Variants in RMND1 observed in about 807,000 individuals in gnomAD.
RMND1 encodes required for meiotic nuclear division 1 homolog.
RMND1 carries 41 observed loss-of-function variants against 54.0 expected under a neutral mutation model. The observed-to-expected ratio is 0.76, with a 90% CI of 0.59 to 0.98. The LOEUF (loss-of-function observed/expected upper bound fraction) is 0.98, where lower values mean the gene tolerates loss of function less well. Among genes scored for constraint, RMND1 ranks in the 50% least tolerant of loss-of-function variants. RMND1 has a pLI of 0.00. For missense variants in RMND1, 457 were observed against 532.0 expected, an observed-to-expected ratio of 0.86 and a Z score of 1.39; for synonymous variants, 183 against 181.7, an observed-to-expected ratio of 1.01 and a Z score of -0.06.
chr6:151,412,714 C>T (rs900219512), intron 10 of RMND1, among the ~76,000 whole-genome samples: 2 of 152,084 alleles, frequency 1.3e-5, no homozygotes, highest in Non-Finnish European at 2.9e-5. Context: ...GGGGAAGCCT[C>T]CAGAAACTTA....
chr6:151,439,822 G>A (rs928421575), intron 2 of RMND1, among the ~76,000 whole-genome samples: 2 of 152,146 alleles, frequency 1.3e-5, no homozygotes, highest in Admixed American at 6.5e-5. Flanking sequence ...ACCACGCCCA[G>A]CTAATTTTTG....
Position 151,442,752 on chromosome 6 carries a change from C to T in RMND1, c.504+2556G>A, listed in dbSNP as rs1413978461. On this transcript the variant is annotated intron_variant, in intron 2 of 11. Transcript: ENST00000444024. ...ATGGGAGTCTTGCTATGTTGCCAGG[C>T]TGGTCTTCAACTCCTGGCCTCAAGT... 2.0e-5 allele frequency among the ~76,000 whole-genome samples: 3 copies of T among 147,330 alleles called. No homozygotes were observed. In the East Asian group the frequency reaches 6.1e-4, roughly 30 times the overall value.
At position 151,432,723 on chromosome 6, in the gene RMND1, G is replaced by C. The variant is rs181826092; in HGVS notation, c.689+432C>G. On this transcript the variant is annotated intron_variant, in intron 4 of 11. Coordinates refer to ENST00000444024, the MANE Select transcript of RMND1 (RefSeq NM_017909.4). ...GTGAGTCTCCTAGTCTAAAACCTCT[G>C]GAGAGGTAAGCTAAAACTTTAAAGA... 3.9e-3 allele frequency among the ~76,000 whole-genome samples: 597 copies of C among 152,154 alleles called. 1 individual carries two copies. Among genetic ancestry groups the C allele is most frequent in the Non-Finnish European group, 6.8e-3 (465 of 68,000 alleles).
intron 2 of RMND1, chr6:151,444,973 GTTTT>G (rs551276395): frequency 2.5e-4 from 49 of 198,070 alleles, no homozygotes; most frequent in Admixed American, 1.3e-3. Flanking sequence ...TTTCTAGTTT[GTTTT>G]TTTTTATTTT....
At chr6:151,417,964 A>C (rs1044549078) in intron 9 of RMND1, among the ~76,000 whole-genome samples, 3 of 151,940 alleles carry the variant, frequency 2.0e-5, no homozygotes, top group African/African-American at 7.2e-5. Context: ...GCCTACCATC[A>C]CACCTGGCTA....
intron 2 of RMND1, among the ~76,000 whole-genome samples, chr6:151,443,884 A>T (rs549567067): frequency 5.9e-5 from 9 of 152,396 alleles, no homozygotes; most frequent in Non-Finnish European, 1.2e-4. Context: ...TTCTCAAAAC[A>T]AAATGTTCAA....
intron 1 of RMND1, among the ~76,000 whole-genome samples, chr6:151,450,147 C>G (rs556712113): frequency 4.2e-4 from 51 of 121,762 alleles, no homozygotes; most frequent in African/African-American, 1.6e-3. Flanking sequence ...CGGCCGCCAT[C>G]CCATCTAGGA....
At chr6:151,427,085 A>AT (rs1562791710) in intron 6 of RMND1, among the ~76,000 whole-genome samples, 1 of 150,638 alleles carries the variant, frequency 6.6e-6, no homozygotes, top group African/African-American at 2.4e-5. Context: ...TTTTCTTAAA[A>AT]GTAAGTTTCC....
At position 151,405,797 on chromosome 6, in the gene RMND1, C is replaced by A. The variant is rs1413332199; in HGVS notation, c.1240G>T (p.Asp414Tyr). ...EKLQHCMELT[D>Y]LMRNHLNEKR... The stretch of plus-strand genomic sequence containing the variant: ...TCATTCAGGTGATTCCGCATTAGAT[C>A]TGTTAGTTCCATGCAGTGCTGAAGT... The change falls in exon 11 of 12, where the codon GAT (aspartate) becomes TAT (tyrosine). Residue 414 changes from aspartate (D) to tyrosine (Y), a missense_variant. Asp to Tyr is a radical substitution (Grantham distance 160, BLOSUM62 -3). Coordinates refer to ENST00000444024, the MANE Select transcript of RMND1 (RefSeq NM_017909.4). 6.2e-7 allele frequency: 1 copy of A among 1,612,212 alleles called. No individual in the cohort carries two copies.
intron 1 of RMND1, among the ~76,000 whole-genome samples, chr6:151,446,530 A>G (rs1156721418): frequency 1.3e-5 from 2 of 152,148 alleles, no homozygotes; most frequent in African/African-American, 4.8e-5. Flanking sequence ...GAGGCATGTC[A>G]GATACACACA....
At position 151,408,221 on chromosome 6, in the gene RMND1, G is replaced by A. The variant is rs115367095; in HGVS notation, c.1201-2385C>T. ...GGTTAAGAAGGTAAGTCAGCTGGGG[G>A]CGGTGGCTCCCATCTGTAATCTCAG... On this transcript the variant is annotated intron_variant, in intron 10 of 11. Coordinates refer to ENST00000444024, the MANE Select transcript of RMND1 (RefSeq NM_017909.4). Among the ~76,000 whole-genome samples, 588 of 152,206 alleles carry A rather than the reference G, an allele frequency of 3.9e-3. 6 individuals carry two copies. The highest frequency in any genetic ancestry group is 0.014 in the African/African-American group (564 of 41,518).
At chr6:151,426,423 C>T (rs910326098) in intron 6 of RMND1, among the ~76,000 whole-genome samples, 4 of 152,172 alleles carry the variant, frequency 2.6e-5, no homozygotes, top group Admixed American at 6.5e-5. Flanking sequence ...ACCCATTTAT[C>T]TTAGTGAAAC....
At chr6:151,427,610 A>G in intron 5 of RMND1, 28 bp from the exon 6 acceptor site, 1 of 1,394,354 alleles carries the variant, frequency 7.2e-7, no homozygotes, top group Non-Finnish European at 1.0e-6. Flanking sequence ...TTAATCTGAA[A>G]TCATAACTGA....
In RMND1 at chr6:151,405,130, A is replaced by C; in HGVS notation, c.*105T>G. On this transcript the variant is annotated 3_prime_UTR_variant, in exon 12 of 12. Coordinates refer to ENST00000444024, the MANE Select transcript of RMND1 (RefSeq NM_017909.4). Reference sequence around the variant, plus strand: ...CTCAAGCCACCCTTCTTGGCCTCCGAAAGTGCTGGGATTACAGGCATGAGG... The same window carrying C: ...CTCAAGCCACCCTTCTTGGCCTCCGCAAGTGCTGGGATTACAGGCATGAGG... 1.0e-6 allele frequency: 1 copy of C among 996,884 alleles called. No homozygotes were observed. The highest frequency in any genetic ancestry group is 1.9e-5 in the Admixed American group (1 of 52,030). The allele number at this position is 996,884 out of a possible 1,614,324, so 61.8% of individuals were successfully genotyped here. A position where few individuals can be genotyped will look rare whatever the true frequency, so the allele number is the denominator to read the frequency against.
rs567616168 is a variant in RMND1 at position 151,446,923 on chromosome 6, G to A, written c.-14-1098C>T. Among the ~76,000 whole-genome samples, 139 of 151,908 alleles carry A rather than the reference G, an allele frequency of 9.2e-4. 3 individuals carry two copies. In the South Asian group the frequency reaches 0.018, roughly 20 times the overall value. On this transcript the variant is annotated intron_variant, in intron 1 of 11. Coordinates refer to ENST00000444024, the MANE Select transcript of RMND1 (RefSeq NM_017909.4). ...CTCAAAAAAAAAAAAAAGTTAGACC[G>A]TAGTAATCAATAATTCTTTTTTTAA...
chr6:151,412,757 A>C (rs1322186484), intron 10 of RMND1, among the ~76,000 whole-genome samples: 1 of 152,146 alleles, frequency 6.6e-6, no homozygotes, highest in Non-Finnish European at 1.5e-5. Flanking sequence ...GAGAGCAGGT[A>C]CCTTACATGG....
chr6:151,436,375 T>C, intron 3 of RMND1, 71 bp downstream of exon 3: 1 of 1,569,988 alleles, frequency 6.4e-7, no homozygotes, highest in Non-Finnish European at 8.7e-7. Flanking sequence ...AAATACATAC[T>C]TAAGATAGTA....
intron 3 of RMND1, 104 bp from the exon 4 acceptor site, chr6:151,433,334 A>G (rs1780498780): frequency 4.4e-6 from 3 of 678,504 alleles, no homozygotes; most frequent in Non-Finnish European, 2.5e-6. Context: ...ATTTCTTTAT[A>G]TACCATGGAG....
chr6:151,426,581 T>G (rs1380796780), intron 6 of RMND1, among the ~76,000 whole-genome samples: 2 of 152,008 alleles, frequency 1.3e-5, no homozygotes, highest in Non-Finnish European at 1.5e-5. Context: ...ACTGGAATAA[T>G]TTGATAGGTT....
Sources: allele counts gnomAD v4.1 joint callset (sites outside exome capture counted in the v4.1 genomes callset), GRCh38; gene constraint gnomAD v4.1.1; transcripts MANE v1.5; gene names NCBI Gene and HGNC (gene_info 2026-07-23, HGNC 2026-07-21).